Variants in GPC6 observed in about 807,000 individuals in gnomAD.
GPC6 encodes glypican 6.
A neutral mutation model predicts 55.2 loss-of-function variants in GPC6; 14 were observed. That is an observed-to-expected ratio of 0.25 (90% CI 0.17 to 0.40). GPC6 has a LOEUF of 0.40. Ranked by LOEUF, GPC6 falls within the 10% of genes least tolerant of loss-of-function variation. GPC6 has a pLI of 1.00. For synonymous variants in GPC6, 278 were observed against 259.6 expected (o/e 1.07, Z -0.68); for missense variants, 641 against 708.5 (o/e 0.90, Z 1.08).
intron 1 of GPC6, among the ~76,000 whole-genome samples, chr13:93,493,706 G>T (rs903460918): frequency 7.5e-6 from 1 of 132,634 alleles, no homozygotes; most frequent in Non-Finnish European, 1.6e-5. Context: ...GCGTCCCAGA[G>T]ATTCTGGTAT....
At chr13:93,894,429 G>A (rs980772151) in intron 3 of GPC6, among the ~76,000 whole-genome samples, 1 of 152,060 alleles carries the variant, frequency 6.6e-6, no homozygotes, top group African/African-American at 2.4e-5. Context: ...GCTATTTATA[G>A]TTGAAGTTCA....
intron 3 of GPC6, among the ~76,000 whole-genome samples, chr13:93,874,282 T>A (rs567472498): frequency 4.1e-4 from 63 of 152,064 alleles, no homozygotes; most frequent in Non-Finnish European, 8.4e-4. Flanking sequence ...CTCCCACTTA[T>A]AAGTGAGAAC....
At chr13:94,069,047 A>T (rs1345519711) in intron 4 of GPC6, among the ~76,000 whole-genome samples, 1 of 152,204 alleles carries the variant, frequency 6.6e-6, no homozygotes, top group Non-Finnish European at 1.5e-5. Flanking sequence ...TCCCTTCTGC[A>T]CTGCCCTAGC....
chr13:93,510,083 GTCTC>G (rs1880890772), intron 1 of GPC6, among the ~76,000 whole-genome samples: 1 of 152,076 alleles, frequency 6.6e-6, no homozygotes, highest in African/African-American at 2.4e-5. Context: ...CATTATGTCT[GTCTC>G]TCTAATATTT....
chr13:94,257,257 G>C (rs936376009), intron 4 of GPC6, among the ~76,000 whole-genome samples: 4 of 152,118 alleles, frequency 2.6e-5, no homozygotes, highest in African/African-American at 9.7e-5. Flanking sequence ...AATGCAAAAG[G>C]CACTTTAGAA....
chr13:93,818,443 A>G (rs972433559), intron 2 of GPC6: 4 of 152,090 alleles, frequency 2.6e-5, no homozygotes, highest in African/African-American at 7.2e-5. Flanking sequence ...TTTGTTGTCT[A>G]TGTTATGTGC....
intron 2 of GPC6, among the ~76,000 whole-genome samples, chr13:93,775,660 G>T (rs1345629053): frequency 6.6e-6 from 1 of 152,138 alleles, no homozygotes; most frequent in Non-Finnish European, 1.5e-5. Context: ...TGAAAGCTCA[G>T]GGTTGATGAC....
chr13:93,542,721 C>T lies in GPC6; in HGVS notation c.161-2542C>T, dbSNP rs1882369124. The stretch of plus-strand genomic sequence containing the variant: ...TTATTGAGCAGTGATTTGTAGTTCT[C>T]CTTGAAGAGGTCCATCACGTCCCTT... On this transcript the variant is annotated intron_variant, in intron 1 of 8. Transcript: ENST00000377047. Among the ~76,000 whole-genome samples, 4 of 152,254 alleles carry T rather than the reference C, an allele frequency of 2.6e-5. No individual in the cohort carries two copies. The South Asian group carries it at 8.3e-4, about 32-fold the overall frequency.
At chr13:93,217,696 CTTAAA>C in the GPC6 span, among the ~76,000 whole-genome samples, 2 of 152,136 alleles carry the variant, frequency 1.3e-5, no homozygotes, top group Non-Finnish European at 2.9e-5. Flanking sequence ...CAGTTATCTA[CTTAAA>C]TTAAGGTAGA....
Position 93,395,352 on chromosome 13 carries a change from C to T in GPC6, c.161-149911C>T, listed in dbSNP as rs1875806418. The T allele has an allele frequency of 3.2e-5, 14 of 431,786 alleles. No individual in the cohort carries two copies. In the South Asian group the frequency reaches 3.5e-4, roughly 11 times the overall value. 26.7% of individuals were successfully genotyped at this position (431,786 alleles called of 1,614,324 possible). On this transcript the variant is annotated intron_variant, in intron 1 of 8. Transcript: ENST00000377047. ...GTTTTCCCAACTTCACAGTTGTGTC[C>T]ATTCACAGGATGGTATTTCGGAATG...
At position 94,405,782 on chromosome 13, in the gene GPC6, G is replaced by A. The variant is rs1005089024; in HGVS notation, c.*2565G>A. ...AGCTGAAATGATATCAGTTAATGATGTCACAGTGTTAGCACCCTGCATGGA... is the reference window on the plus strand; with the variant it reads ...AGCTGAAATGATATCAGTTAATGATATCACAGTGTTAGCACCCTGCATGGA... On this transcript the variant is annotated 3_prime_UTR_variant, in exon 9 of 9. Coordinates refer to ENST00000377047, the MANE Select transcript of GPC6 (RefSeq NM_005708.5). 19 of 152,244 alleles carry A rather than the reference G, an allele frequency of 1.2e-4. No homozygotes were observed. Among genetic ancestry groups the A allele is most frequent in the African/African-American group, 4.6e-4 (19 of 41,552 alleles). The allele number at this position is 152,244 out of a possible 1,614,324, so 9.4% of individuals were successfully genotyped here.
At chr13:93,714,562 ACCCAGTGTT>A (rs1883185624) in intron 2 of GPC6, among the ~76,000 whole-genome samples, 1 of 151,864 alleles carries the variant, frequency 6.6e-6, no homozygotes, top group Admixed American at 6.6e-5. Flanking sequence ...CTACCATTTG[ACCCAGTGTT>A]CCCATTCCTG....
chr13:93,736,258 A>G (rs1883999163), intron 2 of GPC6, among the ~76,000 whole-genome samples: 1 of 152,208 alleles, frequency 6.6e-6, no homozygotes, highest in Non-Finnish European at 1.5e-5. Context: ...CAAAATAGCT[A>G]TATATGAAAA....
chr13:94,219,683 T>C (rs992929270), intron 4 of GPC6, among the ~76,000 whole-genome samples: 8 of 152,128 alleles, frequency 5.3e-5, no homozygotes, highest in Non-Finnish European at 8.8e-5. Flanking sequence ...GTTAGCAAAA[T>C]TGGTCAGCAA....
chr13:93,497,168 G>T (rs562546941), intron 1 of GPC6, among the ~76,000 whole-genome samples: 1 of 152,204 alleles, frequency 6.6e-6, no homozygotes, highest in African/African-American at 2.4e-5. Context: ...TTTTTCCTCA[G>T]GTTTCATGAA....
intron 6 of GPC6, among the ~76,000 whole-genome samples, chr13:94,361,230 G>A (rs1196181634): frequency 1.3e-5 from 2 of 152,088 alleles, no homozygotes; most frequent in South Asian, 2.1e-4. Flanking sequence ...TTGTTGTACA[G>A]GTCAAGAAAA....
intron 4 of GPC6, among the ~76,000 whole-genome samples, chr13:94,085,980 G>A (rs1474291891): frequency 6.6e-6 from 1 of 152,094 alleles, no homozygotes; most frequent in Non-Finnish European, 1.5e-5. Context: ...TATTGAAGAA[G>A]AGAATATCCC....
At chr13:94,032,148 A>G (rs1266017524) in intron 4 of GPC6, among the ~76,000 whole-genome samples, 4 of 152,210 alleles carry the variant, frequency 2.6e-5, no homozygotes, top group Non-Finnish European at 4.4e-5. Context: ...TTTTGTCCCA[A>G]TTATGCAACC....
chr13:93,856,597 G>A (rs1222109788), intron 3 of GPC6, among the ~76,000 whole-genome samples: 1 of 151,608 alleles, frequency 6.6e-6, no homozygotes, highest in East Asian at 1.9e-4. Flanking sequence ...TAGTTAGTTG[G>A]TGCACAGGCT....
Sources: gnomAD v4.1 joint callset for allele counts (sites outside exome capture counted in the v4.1 genomes callset) on GRCh38, gnomAD v4.1.1 for gene constraint, MANE v1.5 for transcripts, NCBI Gene and HGNC (gene_info 2026-07-23, HGNC 2026-07-21) for gene names.